PDE4B: variants seen among roughly 807,000 people sequenced by gnomAD.
The protein encoded by PDE4B is phosphodiesterase 4B.
A neutral mutation model predicts 82.2 loss-of-function variants in PDE4B; 20 were observed. That is an observed-to-expected ratio of 0.24 (90% confidence interval 0.17 to 0.35). PDE4B has a LOEUF of 0.35. Among genes scored for constraint, PDE4B ranks in the 10% least tolerant of loss-of-function variants. The probability of loss-of-function intolerance (pLI) is 1.00; values close to 1 mark genes in which losing one functional copy is unlikely to be tolerated. For synonymous variants in PDE4B, 320 were observed against 318.9 expected (o/e 1.00, Z -0.04); for missense variants, 655 against 907.2 (o/e 0.72, Z 3.57).
chr1:66,264,794 A>G (rs749909589), intron 6 of PDE4B, among the ~76,000 whole-genome samples: 1 of 152,234 alleles, frequency 6.6e-6, no homozygotes, highest in Non-Finnish European at 1.5e-5. Flanking sequence ...CTTTAGCAAC[A>G]ACGATGCAGG....
chr1:65,913,271 T>C lies in PDE4B; in HGVS notation c.-44T>C, dbSNP rs761538966. 16 of 1,582,554 alleles carry C rather than the reference T, an allele frequency of 1.0e-5. No individual in the cohort carries two copies. Among genetic ancestry groups the C allele is most frequent in the South Asian group, 1.1e-5 (1 of 90,304 alleles). ...TATTAAAAAGTGTCAGCAAACTGCA[T>C]TGAATAACAGACATCCTAAGAGGGG... is the stretch of plus-strand genomic sequence containing the variant. On this transcript the variant is annotated 5_prime_UTR_variant, in exon 2 of 17. Coordinates refer to ENST00000341517, the MANE Select transcript of PDE4B (RefSeq NM_002600.4).
At chr1:65,869,452 G>C (rs1646548342) in intron 1 of PDE4B, among the ~76,000 whole-genome samples, 1 of 152,212 alleles carries the variant, frequency 6.6e-6, no homozygotes, top group Admixed American at 6.5e-5. Context: ...AAACAGCAAG[G>C]TATGTGTGTA....
intron 7 of PDE4B, chr1:66,267,609 T>G (rs1404159374): frequency 6.6e-6 from 1 of 152,198 alleles, no homozygotes; most frequent in Non-Finnish European, 1.5e-5. Context: ...AACTACAGCT[T>G]GACAACTAGG....
At position 65,849,023 on chromosome 1, in the gene PDE4B, A is replaced by T. The variant is rs183824358; in HGVS notation, c.-71+55775A>T. Among the ~76,000 whole-genome samples the T allele has an allele frequency of 4.0e-3, 616 of 152,288 alleles. 4 individuals carry two copies. Among genetic ancestry groups the T allele is most frequent in the African/African-American group, 0.014 (566 of 41,576 alleles). ...TAGAATACTATCATTAGACCATTGG[A>T]GTAATGGAAAATTGGCTATTAAGAG... On this transcript the variant is annotated intron_variant, in intron 1 of 16. Transcript: ENST00000341517.
At chr1:66,275,092 C>T (rs1655783786) in intron 7 of PDE4B, among the ~76,000 whole-genome samples, 1 of 152,150 alleles carries the variant, frequency 6.6e-6, no homozygotes, top group Non-Finnish European at 1.5e-5. Context: ...AGGGACACCC[C>T]TAAATACAGC....
intron 3 of PDE4B, among the ~76,000 whole-genome samples, chr1:66,179,513 GA>G (rs11316764): frequency 0.51 from 77,737 of 151,212 alleles, 21,037 homozygotes; most frequent in African/African-American, 0.7. Flanking sequence ...GTATTTGAAG[GA>G]AAAAAAAAGT....
chr1:66,237,449 T>C (rs1307830646), intron 3 of PDE4B, among the ~76,000 whole-genome samples: 1 of 152,198 alleles, frequency 6.6e-6, no homozygotes, highest in Non-Finnish European at 1.5e-5. Context: ...ATGAAGTTCT[T>C]GAAATATTAA....
chr1:66,042,726 T>A (rs550126146), intron 3 of PDE4B: 11 of 151,914 alleles, frequency 7.2e-5, no homozygotes, highest in African/African-American at 2.6e-4. Flanking sequence ...TTCAAAAGTT[T>A]TTGATCTGTT....
At chr1:65,928,252 G>A (rs1007629383) in intron 3 of PDE4B, among the ~76,000 whole-genome samples, 4 of 152,304 alleles carry the variant, frequency 2.6e-5, no homozygotes, top group Admixed American at 6.5e-5. Context: ...TCTGGAAATC[G>A]ATTGAGGGGC....
intron 3 of PDE4B, among the ~76,000 whole-genome samples, chr1:66,079,787 A>G (rs1165662307): frequency 6.6e-6 from 1 of 152,150 alleles, no homozygotes; most frequent in Admixed American, 6.6e-5. Context: ...GAAAGTATTA[A>G]AATGAAGTAT....
intron 10 of PDE4B, among the ~76,000 whole-genome samples, chr1:66,362,810 G>C (rs1662886824): frequency 6.6e-6 from 1 of 152,196 alleles, no homozygotes; most frequent in Non-Finnish European, 1.5e-5. Context: ...TAATGGGCCA[G>C]TAAGCAGCAA....
At chr1:66,096,000 C>G (rs149794732) in intron 3 of PDE4B, among the ~76,000 whole-genome samples, 1 of 151,722 alleles carries the variant, frequency 6.6e-6, no homozygotes, top group African/African-American at 2.4e-5. Context: ...CATTATCCTC[C>G]TAACTTATCA....
intron 3 of PDE4B, among the ~76,000 whole-genome samples, chr1:66,171,903 C>T (rs1231355282): frequency 6.6e-6 from 1 of 152,128 alleles, no homozygotes; most frequent in Non-Finnish European, 1.5e-5. Flanking sequence ...GTACTTAGCG[C>T]AGGACCTTGT....
intron 3 of PDE4B, among the ~76,000 whole-genome samples, chr1:66,149,954 G>A: frequency 6.6e-6 from 1 of 152,228 alleles, no homozygotes; most frequent in Non-Finnish European, 1.5e-5. Context: ...GAGTCCAACT[G>A]CATTCTTTGT....
chr1:65,899,615 G>GTATA (rs376060923), intron 1 of PDE4B, among the ~76,000 whole-genome samples: 3 of 146,074 alleles, frequency 2.1e-5, no homozygotes, highest in African/African-American at 7.5e-5. Flanking sequence ...CGTTACATAT[G>GTATA]TATATATATA....
At chr1:66,363,071 G>A in intron 10 of PDE4B, 97 bp from the exon 11 acceptor site, 1 of 782,980 alleles carries the variant, frequency 1.3e-6, no homozygotes, top group Non-Finnish European at 2.1e-6. Flanking sequence ...ACACTCTAAA[G>A]ACTTAAACAG....
chr1:65,801,037 A>G (rs1310004164), intron 1 of PDE4B, among the ~76,000 whole-genome samples: 1 of 152,178 alleles, frequency 6.6e-6, no homozygotes, highest in East Asian at 1.9e-4. Flanking sequence ...GAAGGTAGCA[A>G]TGGCCCCTAT....
At chr1:66,361,912 G>T (rs541400003) in intron 10 of PDE4B, 119 bp downstream of exon 10, 2 of 777,812 alleles carry the variant, frequency 2.6e-6, no homozygotes, top group East Asian at 5.6e-5. Flanking sequence ...TTTGTGTTAG[G>T]GAAGCTCATA....
intron 13 of PDE4B, 115 bp from the exon 14 acceptor site, chr1:66,367,581 C>A: frequency 2.5e-6 from 2 of 793,640 alleles, no homozygotes; most frequent in Non-Finnish European, 3.9e-6. Flanking sequence ...TGACATGTAG[C>A]TGGTGGTTCT....
Sources: gnomAD v4.1 joint callset for allele counts (sites outside exome capture counted in the v4.1 genomes callset) on GRCh38, gnomAD v4.1.1 for gene constraint, MANE v1.5 for transcripts, NCBI Gene and HGNC (gene_info 2026-07-23, HGNC 2026-07-21) for gene names.